The following YLPM1 variants were observed in gnomAD, a reference collection of about 807,000 sequenced individuals.
YLPM1 encodes YLP motif containing 1.
A neutral mutation model predicts 230.0 loss-of-function variants in YLPM1; 99 were observed. That is an observed-to-expected ratio of 0.43 (90% CI 0.37 to 0.51). The LOEUF is 0.51. Among genes scored for constraint, YLPM1 ranks in the 20% least tolerant of loss-of-function variants. The pLI, the probability that YLPM1 is intolerant of heterozygous loss-of-function variation, is 0.00. For synonymous variants in YLPM1, 984 were observed against 942.5 expected (o/e 1.04, Z -0.81); for missense variants, 2,592 against 2,707.7 (o/e 0.96, Z 0.95).
At chr14:74,830,457 T>C (rs1164886462) in intron 19 of YLPM1, among the ~76,000 whole-genome samples, 1 of 152,232 alleles carries the variant, frequency 6.6e-6, no homozygotes, top group Non-Finnish European at 1.5e-5. Flanking sequence ...TCCATCTTGA[T>C]CTTTCTATAT....
In YLPM1 at chr14:74,809,707, A is replaced by C. The variant is rs773105444; in HGVS notation, c.4849A>C (p.Ile1617Leu). 1 of 1,613,984 alleles carries C rather than the reference A, an allele frequency of 6.2e-7. No individual in the cohort carries two copies. Among genetic ancestry groups the C allele is most frequent in the Non-Finnish European group, 8.5e-7 (1 of 1,179,886 alleles). Residue 1617 changes from isoleucine (I) to leucine (L), a missense_variant, in exon 7 of 21, where the codon ATT becomes CTT. Transcript: ENST00000325680. ...VLPPPPVHSS[I>L]PPPGPVPMGM... ...ACCACCCCCACCTGTTCACTCTTCC[A>C]TTCCCCCTCCTGGCCCAGTGCCTAT...
chr14:74,790,251 G>T (rs1157725020), intron 4 of YLPM1, among the ~76,000 whole-genome samples: 1 of 152,044 alleles, frequency 6.6e-6, no homozygotes, highest in African/African-American at 2.4e-5. Flanking sequence ...AGTGCTATAG[G>T]TTTTCTTTAT....
chr14:74,793,134 A>G (rs1024448174), intron 4 of YLPM1, among the ~76,000 whole-genome samples: 2 of 151,984 alleles, frequency 1.3e-5, no homozygotes, highest in African/African-American at 4.8e-5. Flanking sequence ...CTGAAATTTC[A>G]GTGTTTTTTG....
At chr14:74,773,092 C>G (rs1689934830) in intron 1 of YLPM1, among the ~76,000 whole-genome samples, 1 of 152,010 alleles carries the variant, frequency 6.6e-6, no homozygotes. Flanking sequence ...TCGAGACCAT[C>G]CTGGCTAACA....
intron 4 of YLPM1, among the ~76,000 whole-genome samples, chr14:74,788,159 C>T (rs943509990): frequency 2.7e-4 from 41 of 150,376 alleles, no homozygotes; most frequent in Middle Eastern, 6.8e-3. Flanking sequence ...CTCGCTCTGT[C>T]GCCCAGGCTG....
intron 10 of YLPM1, 98 bp from the exon 11 acceptor site, chr14:74,812,530 T>G (rs2091442675): frequency 4.9e-6 from 6 of 1,235,676 alleles, no homozygotes; most frequent in Non-Finnish European, 6.3e-6. Context: ...ATCACTGGAC[T>G]TGGTTTGAAT....
intron 15 of YLPM1, 148 bp downstream of exon 15, chr14:74,817,425 AC>A: frequency 1.3e-6 from 1 of 786,092 alleles, no homozygotes; most frequent in Non-Finnish European, 2.0e-6. Flanking sequence ...GTTTAAGTAC[AC>A]AAATACTTCA....
chr14:74,801,555 T>C (rs2091325503), intron 5 of YLPM1, among the ~76,000 whole-genome samples: 1 of 152,226 alleles, frequency 6.6e-6, no homozygotes, highest in African/African-American at 2.4e-5. Context: ...TTTAAAGGTA[T>C]AGACTGACAG....
At position 74,797,974 on chromosome 14, in the gene YLPM1, G is replaced by A. The variant is rs777315433; in HGVS notation, c.2677G>A (p.Val893Ile). ...AFSIAADVKDVKAAQSNENLS... is the reference protein window; with the variant it reads ...AFSIAADVKDIKAAQSNENLS... ...TTCCATTGCTGCAGATGTAAAGGAT[G>A]TCAAGGCGGCTCAGTCAAATGAGAA... Residue 893 changes from valine to isoleucine, a missense_variant, in exon 5 of 21, where the codon GTC (valine) becomes ATC (isoleucine). Coordinates refer to ENST00000325680, the MANE Select transcript of YLPM1 (RefSeq NM_019589.3). The A allele has an allele frequency of 3.1e-6, 5 of 1,613,436 alleles. No individual in the cohort carries two copies. The highest frequency in any genetic ancestry group is 4.5e-5 in the East Asian group (2 of 44,848).
intron 16 of YLPM1, among the ~76,000 whole-genome samples, chr14:74,819,617 C>T (rs2091505167): frequency 6.6e-6 from 1 of 152,112 alleles, no homozygotes; most frequent in Admixed American, 6.6e-5. Context: ...TGCCATTTCT[C>T]AACCCATTTT....
At chr14:74,823,298 C>A (rs2091537305) in intron 17 of YLPM1, among the ~76,000 whole-genome samples, 1 of 152,038 alleles carries the variant, frequency 6.6e-6, no homozygotes, top group Non-Finnish European at 1.5e-5. Flanking sequence ...GATACTGACA[C>A]CTTTGATGAA....
Position 74,798,391 on chromosome 14 carries a change from C to G in YLPM1, c.3094C>G (p.Arg1032Gly). The G allele has an allele frequency of 6.2e-7, 1 of 1,613,904 alleles. No homozygotes were observed. The highest frequency in any genetic ancestry group is 8.5e-7 in the Non-Finnish European group (1 of 1,179,902). The change falls in exon 5 of 21, where the codon CGG (arginine) becomes GGG (glycine). Residue 1032 changes from arginine (R) to glycine (G), a missense_variant. Transcript: ENST00000325680. ...GPGQSRMEDT[R>G]DKGLVNRGRG... ...TGGGCAAAGCAGAATGGAAGACACACGGGATAAAGGTCTAGTAAACAGAGG... is the reference window on the plus strand; with the variant it reads ...TGGGCAAAGCAGAATGGAAGACACAGGGGATAAAGGTCTAGTAAACAGAGG...
At chr14:74,829,110 G>A in intron 18 of YLPM1, 103 bp from the exon 19 acceptor site, 1 of 1,397,112 alleles carries the variant, frequency 7.2e-7, no homozygotes, top group Non-Finnish European at 9.8e-7. Context: ...CAAAAATGTG[G>A]ATATGCCCTC....
At chr14:74,825,417 A>G (rs2091553986) in intron 18 of YLPM1, among the ~76,000 whole-genome samples, 1 of 152,066 alleles carries the variant, frequency 6.6e-6, no homozygotes, top group South Asian at 2.1e-4. Context: ...AGTTTATGTC[A>G]TGTGAAAATT....
intron 5 of YLPM1, among the ~76,000 whole-genome samples, chr14:74,800,698 G>A (rs1483657009): frequency 6.6e-6 from 1 of 152,134 alleles, no homozygotes; most frequent in African/African-American, 2.4e-5. Flanking sequence ...AGATACGGCA[G>A]GTTTGTATGG....
chr14:74,807,900 C>A (rs2091394830), intron 6 of YLPM1, among the ~76,000 whole-genome samples: 1 of 152,138 alleles, frequency 6.6e-6, no homozygotes, highest in Non-Finnish European at 1.5e-5. Flanking sequence ...TTTATTTATT[C>A]ATTTCTCTCC....
intron 11 of YLPM1, among the ~76,000 whole-genome samples, chr14:74,815,341 C>A (rs1823544739): frequency 6.6e-6 from 1 of 152,146 alleles, no homozygotes. Flanking sequence ...GTGGGCGGAT[C>A]ACTTGAGGCT....
At chr14:74,770,006 C>G (rs2090961284) in intron 1 of YLPM1, among the ~76,000 whole-genome samples, 1 of 151,060 alleles carries the variant, frequency 6.6e-6, no homozygotes, top group Non-Finnish European at 1.5e-5. Context: ...CATGGTGAAA[C>G]CCCATCTCTA....
intron 3 of YLPM1, 86 bp from the exon 4 acceptor site, chr14:74,781,248 A>G: frequency 7.2e-7 from 1 of 1,397,268 alleles, no homozygotes; most frequent in Non-Finnish European, 9.5e-7. Context: ...TAAAGCGTCA[A>G]ATGCCCTTGA....
Sources: gnomAD v4.1 joint callset for allele counts (sites outside exome capture counted in the v4.1 genomes callset) on GRCh38, gnomAD v4.1.1 for gene constraint, MANE v1.5 for transcripts, NCBI Gene and HGNC (gene_info 2026-07-23, HGNC 2026-07-21) for gene names.